The following SRSF10 variants were observed in gnomAD, a reference collection of about 807,000 sequenced individuals.
SRSF10 encodes serine and arginine rich splicing factor 10.
Under a neutral mutation model 32.6 loss-of-function variants are expected in SRSF10, and 9 were observed. The ratio of observed to expected loss-of-function variants is 0.28; its 90% CI spans 0.17 to 0.48. SRSF10 has a LOEUF of 0.48. Among genes scored for constraint, SRSF10 ranks in the 20% least tolerant of loss-of-function variants. SRSF10 has a pLI of 0.99. For missense variants in SRSF10, 201 were observed against 331.8 expected, an observed-to-expected ratio of 0.61 and a Z score of 3.06; for synonymous variants, 105 against 112.4, an observed-to-expected ratio of 0.93 and a Z score of 0.42.
chr1:23,971,468 G>C, intron 5 of SRSF10, 29 bp from the exon 6 acceptor site: 1 of 1,589,218 alleles, frequency 6.3e-7, no homozygotes, highest in Non-Finnish European at 8.5e-7. Flanking sequence ...GATATAATTA[G>C]AGTAAAAATT....
Position 23,970,056 on chromosome 1 carries a change from ACAG to A in SRSF10, c.*1083_*1085del, listed in dbSNP as rs1641651656. The A allele has an allele frequency of 1.0e-6, 1 of 985,302 alleles. No homozygotes were observed. The highest frequency in any genetic ancestry group is 1.2e-6 in the Non-Finnish European group (1 of 829,904). 61.0% of individuals were successfully genotyped at this position (985,302 alleles called of 1,614,324 possible). A position where few individuals can be genotyped will look rare whatever the true frequency, so the allele number is the denominator to read the frequency against. ...TACTTTGAAACAATTTACTTACTTA[ACAG>A]CAGTAAGAAAACTAAGCAATATTAT... On this transcript the variant is annotated 3_prime_UTR_variant, in exon 6 of 6. Coordinates refer to ENST00000492112, the MANE Select transcript of SRSF10 (RefSeq NM_054016.4).
chr1:23,979,281 ATGG>A (rs1642296024), intron 1 of SRSF10, among the ~76,000 whole-genome samples: 1 of 54,988 alleles, frequency 1.8e-5, no homozygotes, highest in Admixed American at 1.8e-4. Flanking sequence ...ATTAGAAATT[ATGG>A]AAAGAATTAT....
Position 23,969,972 on chromosome 1 carries a change from C to A in SRSF10, c.*1170G>T. ...CAAATTTTGATACAAATGCACGAGCCAAGTGCTGTAAGCATCAAAATTTCA... is the reference window on the plus strand; with the variant it reads ...CAAATTTTGATACAAATGCACGAGCAAAGTGCTGTAAGCATCAAAATTTCA... On this transcript the variant is annotated 3_prime_UTR_variant, in exon 6 of 6. Transcript: ENST00000492112. 1.0e-6 allele frequency: 1 copy of A among 985,340 alleles called. No individual in the cohort carries two copies. Among genetic ancestry groups the A allele is most frequent in the South Asian group, 4.7e-5 (1 of 21,282 alleles). The allele number at this position is 985,340 out of a possible 1,614,324, so 61.0% of individuals were successfully genotyped here.
chr1:23,974,265 G>A (rs1369899834), intron 3 of SRSF10, among the ~76,000 whole-genome samples: 1 of 152,074 alleles, frequency 6.6e-6, no homozygotes, highest in African/African-American at 2.4e-5. Flanking sequence ...GCACCCTGCG[G>A]TTATTTTAAT....
chr1:23,965,915 T>C lies in SRSF10; in HGVS notation c.*5227A>G, dbSNP rs1166645769. ...AAAGTCTATAGCCTCTACATATTCT[T>C]TTAAAAATACATAGAACCTCTGTCC... is the stretch of plus-strand genomic sequence containing the variant. On this transcript the variant is annotated 3_prime_UTR_variant, in exon 6 of 6. Transcript: ENST00000492112. 6.6e-6 allele frequency: 1 copy of C among 151,948 alleles called. No homozygotes were observed. The highest frequency in any genetic ancestry group is 6.6e-5 in the Admixed American group (1 of 15,252). 9.4% of individuals were successfully genotyped at this position (151,948 alleles called of 1,614,324 possible).
chr1:23,970,156 C>A lies in SRSF10; in HGVS notation c.*986G>T. ...CCTTTTTCCTTAAAATTATTTTTGC[C>A]ATCAACGACCTGCTCAAATTTTAAG... On this transcript the variant is annotated 3_prime_UTR_variant, in exon 6 of 6. Coordinates refer to ENST00000492112, the MANE Select transcript of SRSF10 (RefSeq NM_054016.4). The A allele has an allele frequency of 1.0e-6, 1 of 985,320 alleles. No individual in the cohort carries two copies. Among genetic ancestry groups the A allele is most frequent in the Non-Finnish European group, 1.2e-6 (1 of 829,912 alleles). 61.0% of individuals were successfully genotyped at this position (985,320 alleles called of 1,614,324 possible).
At position 23,964,626 on chromosome 1, in the gene SRSF10, GA is replaced by G. The variant is rs1184482385; in HGVS notation, c.*6515del. Among the ~76,000 whole-genome samples, 1 of 151,828 alleles carries G rather than the reference GA, an allele frequency of 6.6e-6. No homozygotes were observed. Among genetic ancestry groups the G allele is most frequent in the African/African-American group, 2.4e-5 (1 of 41,372 alleles). ...CCTCTTCCCTAGAACTACAACACAG[GA>G]AAAAACCTGAAAGGTTTTGTGTAAG... On this transcript the variant is annotated 3_prime_UTR_variant, in exon 6 of 6. Transcript: ENST00000492112.
In SRSF10 at chr1:23,970,471, T is replaced by C; in HGVS notation, c.*671A>G. 1.6e-6 allele frequency: 1 copy of C among 609,174 alleles called. No individual in the cohort carries two copies. The allele number at this position is 609,174 out of a possible 1,614,324, so 37.7% of individuals were successfully genotyped here. A position where few individuals can be genotyped will look rare whatever the true frequency, so the allele number is the denominator to read the frequency against. On this transcript the variant is annotated 3_prime_UTR_variant, in exon 6 of 6. Transcript: ENST00000492112. ...TACCTCCCAGGTTCAAGCGATTCTC[T>C]TGCCTCAGCCTCCTGAGTAGCTGAG...
intron 3 of SRSF10, among the ~76,000 whole-genome samples, chr1:23,972,263 G>C (rs1167993364): frequency 2.0e-5 from 3 of 151,828 alleles, no homozygotes; most frequent in Non-Finnish European, 4.4e-5. Flanking sequence ...TAATTAGCTG[G>C]GCCTAGTGGC....
rs1641450926 is a variant in SRSF10 at position 23,966,365 on chromosome 1, G to A, written c.*4777C>T. The stretch of plus-strand genomic sequence containing the variant: ...ATTTTAAGTATGTGGCAAAAAAGAT[G>A]ACAAAAATCAAATGTGATGAAATCA... On this transcript the variant is annotated 3_prime_UTR_variant, in exon 6 of 6. Transcript: ENST00000492112. 6.6e-6 allele frequency: 1 copy of A among 151,742 alleles called. No individual in the cohort carries two copies. The highest frequency in any genetic ancestry group is 6.6e-5 in the Admixed American group (1 of 15,230). The allele number at this position is 151,742 out of a possible 1,614,324, so 9.4% of individuals were successfully genotyped here.
intron 3 of SRSF10, among the ~76,000 whole-genome samples, chr1:23,972,828 G>A (rs1460638204): frequency 1.4e-5 from 2 of 146,614 alleles, no homozygotes; most frequent in African/African-American, 2.5e-5. Context: ...CACAACCTCC[G>A]TCTCCTGAGT....
chr1:23,980,053 A>G (rs1642368020), intron 1 of SRSF10, 138 bp downstream of exon 1: 3 of 935,716 alleles, frequency 3.2e-6, no homozygotes, highest in Non-Finnish European at 4.6e-6. Flanking sequence ...TGCGCGGCCT[A>G]GTTCGGCGCC....
At chr1:23,976,914 T>C (rs1394415041) in intron 2 of SRSF10, 1 of 152,250 alleles carries the variant, frequency 6.6e-6, no homozygotes, top group Non-Finnish European at 1.5e-5. Context: ...AAAATTATCA[T>C]TCTCCTTTAG....
chr1:23,972,915 T>G (rs898701500), intron 3 of SRSF10, among the ~76,000 whole-genome samples: 3 of 152,098 alleles, frequency 2.0e-5, no homozygotes, highest in Middle Eastern at 3.2e-3. Flanking sequence ...TAGTTTCGTA[T>G]TTTTAGTGCA....
Position 23,969,761 on chromosome 1 carries a change from G to A in SRSF10, c.*1381C>T, listed in dbSNP as rs2148496797. On this transcript the variant is annotated 3_prime_UTR_variant, in exon 6 of 6. Coordinates refer to ENST00000492112, the MANE Select transcript of SRSF10 (RefSeq NM_054016.4). ...AGGGTATTACTTCATTTTTAGTCAG[G>A]TACTACACTGATAATCGAAAGCTCA... The A allele has an allele frequency of 3.0e-6, 3 of 985,076 alleles. No homozygotes were observed. The African/African-American group carries it at 5.2e-5, about 17-fold the overall frequency. 61.0% of individuals were successfully genotyped at this position (985,076 alleles called of 1,614,324 possible).
In SRSF10 at chr1:23,965,809, C is replaced by A. The variant is rs1011511376; in HGVS notation, c.*5333G>T. ...TTACCTAATTTTTTTTAAACAAAACCCCAACTCAATATGCACCTTAATTCT... is the reference window on the plus strand; with the variant it reads ...TTACCTAATTTTTTTTAAACAAAACACCAACTCAATATGCACCTTAATTCT... On this transcript the variant is annotated 3_prime_UTR_variant, in exon 6 of 6. Transcript: ENST00000492112. The A allele has an allele frequency of 6.6e-5, 10 of 151,430 alleles. No individual in the cohort carries two copies. Among genetic ancestry groups the A allele is most frequent in the Non-Finnish European group, 1.0e-4 (7 of 67,694 alleles). The allele number at this position is 151,430 out of a possible 1,614,324, so 9.4% of individuals were successfully genotyped here. A position where few individuals can be genotyped will look rare whatever the true frequency, so the allele number is the denominator to read the frequency against.
Position 23,964,591 on chromosome 1 carries a change from A to C in SRSF10, c.*6551T>G, listed in dbSNP as rs6697196. Reference sequence around the variant, plus strand: ...TATCCTTAAGCTTAAAATAAATACTAATAAACTATCCTCTTCCCTAGAACT... The same window carrying C: ...TATCCTTAAGCTTAAAATAAATACTCATAAACTATCCTCTTCCCTAGAACT... On this transcript the variant is annotated 3_prime_UTR_variant, in exon 6 of 6. Coordinates refer to ENST00000492112, the MANE Select transcript of SRSF10 (RefSeq NM_054016.4). 1.3e-5 allele frequency among the ~76,000 whole-genome samples: 2 copies of C among 151,998 alleles called. No homozygotes were observed. The highest frequency in any genetic ancestry group is 1.3e-4 in the Admixed American group (2 of 15,262).
In SRSF10 at chr1:23,980,312, C is replaced by A; in HGVS notation, c.-57G>T. The A allele has an allele frequency of 7.2e-7, 1 of 1,382,530 alleles. No individual in the cohort carries two copies. The highest frequency in any genetic ancestry group is 1.5e-5 in the African/African-American group (1 of 66,234). 85.6% of individuals were successfully genotyped at this position (1,382,530 alleles called of 1,614,324 possible). A position where few individuals can be genotyped will look rare whatever the true frequency, so the allele number is the denominator to read the frequency against. On this transcript the variant is annotated 5_prime_UTR_variant, in exon 1 of 6. Coordinates refer to ENST00000492112, the MANE Select transcript of SRSF10 (RefSeq NM_054016.4). ...CGGGCTCAGCAAACCGTCCGCGGCT[C>A]AGGCGGCCGAGCCTCAGACACACAC...
chr1:23,968,087 C>T lies in SRSF10; in HGVS notation c.*3055G>A. On this transcript the variant is annotated 3_prime_UTR_variant, in exon 6 of 6. Coordinates refer to ENST00000492112, the MANE Select transcript of SRSF10 (RefSeq NM_054016.4). ...CCCAGTCATACACAGTAGGTAAACTCAGTAAGTGGGGGACTCAACTACATC... is the reference window on the plus strand; with the variant it reads ...CCCAGTCATACACAGTAGGTAAACTTAGTAAGTGGGGGACTCAACTACATC... 6.9e-7 allele frequency: 1 copy of T among 1,455,874 alleles called. No individual in the cohort carries two copies. 90.2% of individuals were successfully genotyped at this position (1,455,874 alleles called of 1,614,324 possible). A position where few individuals can be genotyped will look rare whatever the true frequency, so the allele number is the denominator to read the frequency against.
Sources: allele counts gnomAD v4.1 joint callset (sites outside exome capture counted in the v4.1 genomes callset), GRCh38; gene constraint gnomAD v4.1.1; transcripts MANE v1.5; gene names NCBI Gene and HGNC (gene_info 2026-07-23, HGNC 2026-07-21).